The following FMN2 variants were observed in gnomAD, a reference collection of about 807,000 sequenced individuals.
The protein encoded by FMN2 is formin 2.
Under a neutral mutation model 142.3 loss-of-function variants are expected in FMN2, and 51 were observed. The observed-to-expected ratio is 0.36, with a 90% CI of 0.29 to 0.45. The LOEUF is 0.45. Ranked by LOEUF, FMN2 falls within the 20% of genes least tolerant of loss-of-function variation. The probability of loss-of-function intolerance (pLI) is 1.00; values close to 1 mark genes in which losing one functional copy is unlikely to be tolerated. For synonymous variants in FMN2, 882 were observed against 869.8 expected (o/e 1.01, Z -0.25); for missense variants, 1,936 against 2,122.8 (o/e 0.91, Z 1.73).
At position 240,092,873 on chromosome 1, in the gene FMN2, G is replaced by A; in HGVS notation, c.764G>A (p.Gly255Glu). ...AFLGLDRFLL[G>E]PSGGAGEAPG... ...CTGGGCCTGGACCGGTTCCTGCTGG[G>A]GCCGAGCGGCGGGGCTGGGGAGGCC... The change falls in exon 1 of 18, where the codon GGG becomes GAG. Residue 255 changes from glycine (G) to glutamate (E), a missense_variant. This residue lies in a region of FMN2 where 751 missense variants were observed against 791.8 expected (regional missense o/e 0.95). Coordinates refer to ENST00000319653, the MANE Select transcript of FMN2 (RefSeq NM_020066.5). 1 of 1,530,418 alleles carries A rather than the reference G, an allele frequency of 6.5e-7. No homozygotes were observed. The highest frequency in any genetic ancestry group is 8.7e-7 in the Non-Finnish European group (1 of 1,143,508). The allele number at this position is 1,530,418 out of a possible 1,614,324, so 94.8% of individuals were successfully genotyped here.
chr1:240,347,218 A>G (rs994608443), intron 13 of FMN2, among the ~76,000 whole-genome samples: 6 of 152,210 alleles, frequency 3.9e-5, no homozygotes, highest in African/African-American at 1.4e-4. Flanking sequence ...ATGCTGAGGA[A>G]AATGTGGAAA....
At chr1:240,326,025 A>C (rs1412522117) in intron 8 of FMN2, among the ~76,000 whole-genome samples, 1 of 152,214 alleles carries the variant, frequency 6.6e-6, no homozygotes, top group Non-Finnish European at 1.5e-5. Context: ...CAGGAGCCCT[A>C]TATTTTTTCT....
At chr1:240,171,317 C>T (rs1268087301) in intron 2 of FMN2, 3 of 693,780 alleles carry the variant, frequency 4.3e-6, no homozygotes, top group Non-Finnish European at 8.1e-6. Context: ...AACCAGCGTC[C>T]ATCCTGTCGT....
At chr1:240,323,071 G>T (rs978358010) in intron 8 of FMN2, among the ~76,000 whole-genome samples, 1 of 151,614 alleles carries the variant, frequency 6.6e-6, no homozygotes, top group Non-Finnish European at 1.5e-5. Context: ...CCCCTTGTTT[G>T]CATTCCTCAC....
chr1:240,437,515 G>A (rs539262094), intron 15 of FMN2, among the ~76,000 whole-genome samples: 1 of 152,056 alleles, frequency 6.6e-6, no homozygotes, highest in African/African-American at 2.4e-5. Context: ...TGTTAGCCAG[G>A]ATGGTCTCGA....
intron 7 of FMN2, among the ~76,000 whole-genome samples, chr1:240,269,432 T>G (rs1341450312): frequency 6.6e-6 from 1 of 152,120 alleles, no homozygotes; most frequent in Admixed American, 6.6e-5. Flanking sequence ...CACCATACTG[T>G]TTTGATTACT....
At chr1:240,367,672 G>A (rs575650649) in intron 14 of FMN2, among the ~76,000 whole-genome samples, 4 of 149,354 alleles carry the variant, frequency 2.7e-5, no homozygotes, top group East Asian at 4.0e-4. Flanking sequence ...GGAGGCTGAG[G>A]CAAAAGAATG....
intron 16 of FMN2, among the ~76,000 whole-genome samples, chr1:240,464,273 GA>G (rs1676541565): frequency 6.6e-6 from 1 of 152,120 alleles, no homozygotes; most frequent in Admixed American, 6.6e-5. Context: ...AATTATGGGG[GA>G]GAGTTCTTCA....
chr1:240,373,916 C>A (rs1358039527), intron 14 of FMN2, among the ~76,000 whole-genome samples: 1 of 152,210 alleles, frequency 6.6e-6, no homozygotes, highest in African/African-American at 2.4e-5. Flanking sequence ...TCACTACCTA[C>A]AGCAGCTATA....
At chr1:240,428,605 G>A (rs1327443868) in intron 15 of FMN2, among the ~76,000 whole-genome samples, 1 of 152,074 alleles carries the variant, frequency 6.6e-6, no homozygotes, top group African/African-American at 2.4e-5. Flanking sequence ...TGACACTCCA[G>A]GTTCATTTTG....
chr1:240,334,325 A>G (rs1395918906), intron 13 of FMN2, 96 bp downstream of exon 13: 3 of 1,365,524 alleles, frequency 2.2e-6, no homozygotes, highest in Non-Finnish European at 2.9e-6. Flanking sequence ...AATCTTTTTT[A>G]TCTTTATAGA....
intron 8 of FMN2, among the ~76,000 whole-genome samples, chr1:240,296,949 T>C (rs1416718656): frequency 1.3e-5 from 2 of 152,196 alleles, no homozygotes; most frequent in African/African-American, 2.4e-5. Flanking sequence ...TCCAATGAAA[T>C]TGGTATTTAA....
intron 6 of FMN2, among the ~76,000 whole-genome samples, chr1:240,236,373 T>C (rs1667710443): frequency 6.6e-6 from 1 of 152,172 alleles, no homozygotes; most frequent in African/African-American, 2.4e-5. Flanking sequence ...GGACACCCCA[T>C]GGTATTTCCT....
intron 13 of FMN2, among the ~76,000 whole-genome samples, chr1:240,343,617 G>A (rs144657264): frequency 2.7e-4 from 41 of 152,306 alleles, no homozygotes; most frequent in African/African-American, 9.1e-4. Context: ...CTTGAGTTAG[G>A]TAGTACCATG....
At chr1:240,273,107 A>G (rs186531965) in intron 7 of FMN2, among the ~76,000 whole-genome samples, 102 of 152,300 alleles carry the variant, frequency 6.7e-4, no homozygotes, top group Non-Finnish European at 5.3e-4. Flanking sequence ...AGGGTTCTCT[A>G]TCATTGTCAA....
At chr1:240,383,960 C>T (rs1673316613) in intron 14 of FMN2, among the ~76,000 whole-genome samples, 1 of 151,374 alleles carries the variant, frequency 6.6e-6, no homozygotes, top group Admixed American at 6.6e-5. Flanking sequence ...TATGGAATAC[C>T]ACTCAGTCAT....
At chr1:240,431,403 T>TTTATATATATAC (rs1558487468) in intron 15 of FMN2, among the ~76,000 whole-genome samples, 2,843 of 14,862 alleles carry the variant, frequency 0.19, 89 homozygotes, top group African/African-American at 0.36. Context: ...AACCATGTTT[T>TTTATATATATAC]ATATATATAT....
chr1:240,216,638 T>C (rs969046801), intron 6 of FMN2, among the ~76,000 whole-genome samples: 1 of 152,234 alleles, frequency 6.6e-6, no homozygotes, highest in Admixed American at 6.5e-5. Context: ...TTATTACAGA[T>C]ACTAACTTTA....
At chr1:240,428,983 T>A (rs1675048530) in intron 15 of FMN2, among the ~76,000 whole-genome samples, 1 of 152,136 alleles carries the variant, frequency 6.6e-6, no homozygotes, top group East Asian at 1.9e-4. Context: ...CTCTTAAATC[T>A]TTTTTTAAAA....
Sources: gnomAD v4.1 joint callset for allele counts (sites outside exome capture counted in the v4.1 genomes callset) on GRCh38, gnomAD v4.1.1 for gene constraint, gnomAD v4.1.1 regional missense constraint, MANE v1.5 for transcripts, NCBI Gene and HGNC (gene_info 2026-07-23, HGNC 2026-07-21) for gene names.